Variants in NBEA observed in about 807,000 individuals in gnomAD.
The protein encoded by NBEA is neurobeachin, also known as lysosomal-trafficking regulator 2.
In NBEA, 44 loss-of-function variants were observed where a neutral mutation model predicts 343.4. The ratio of observed to expected loss-of-function variants is 0.13; its 90% CI spans 0.10 to 0.16. The LOEUF is 0.16. Among genes scored for constraint, NBEA ranks in the 10% least tolerant of loss-of-function variants. The pLI, the probability that NBEA is intolerant of heterozygous loss-of-function variation, is 1.00. For synonymous variants in NBEA, 1,175 were observed against 1,238.7 expected (o/e 0.95, Z 1.08); for missense variants, 2,555 against 3,631.3 (o/e 0.70, Z 7.62).
At chr13:34,954,052 T>C (rs1365456865) in intron 1 of NBEA, among the ~76,000 whole-genome samples, 2 of 152,318 alleles carry the variant, frequency 1.3e-5, no homozygotes, top group East Asian at 3.9e-4. Flanking sequence ...TCCATGAAAC[T>C]GGCTCCTGGT....
chr13:35,333,399 A>T (rs964818756), intron 36 of NBEA, among the ~76,000 whole-genome samples: 2 of 152,044 alleles, frequency 1.3e-5, no homozygotes, highest in Non-Finnish European at 2.9e-5. Context: ...GATTTTTAAA[A>T]TTTTTTATTT....
chr13:35,565,951 C>A (rs2080118184), intron 44 of NBEA, among the ~76,000 whole-genome samples: 1 of 152,146 alleles, frequency 6.6e-6, no homozygotes, highest in Admixed American at 6.5e-5. Context: ...AGTTTCTCAT[C>A]CTAGCTTCAG....
At chr13:35,070,940 C>A in intron 10 of NBEA, 88 bp downstream of exon 10, 1 of 1,387,288 alleles carries the variant, frequency 7.2e-7, no homozygotes, top group Non-Finnish European at 9.6e-7. Context: ...AAATGTATTA[C>A]AGTATTTGGG....
chr13:35,291,987 T>C lies in NBEA; in HGVS notation c.5838+1537T>C, dbSNP rs576768952. 1.1e-4 allele frequency among the ~76,000 whole-genome samples: 16 copies of C among 152,152 alleles called. 1 individual carries two copies. The South Asian group carries it at 3.3e-3, about 31-fold the overall frequency. ...TCAGTGTTTTTAAATATTTTAAGTG[T>C]TTAATTGATTAAATGCACCTCATTT... On this transcript the variant is annotated intron_variant, in intron 35 of 58. Coordinates refer to ENST00000379939, the MANE Select transcript of NBEA (RefSeq NM_001385012.1).
At position 34,988,885 on chromosome 13, in the gene NBEA, A is replaced by T. The variant is rs1056616650; in HGVS notation, c.294+45771A>T. On this transcript the variant is annotated intron_variant, in intron 1 of 58. Coordinates refer to ENST00000379939, the MANE Select transcript of NBEA (RefSeq NM_001385012.1). ...AGCTGAGTCTTTATAAAAATTAAAAATCCATTGTGACATTCAGTCTTTTAA... is the reference window on the plus strand; with the variant it reads ...AGCTGAGTCTTTATAAAAATTAAAATTCCATTGTGACATTCAGTCTTTTAA... 5.3e-5 allele frequency among the ~76,000 whole-genome samples: 8 copies of T among 150,870 alleles called. 1 individual carries two copies. Among genetic ancestry groups the T allele is most frequent in the Non-Finnish European group, 7.4e-5 (5 of 67,428 alleles).
chr13:35,006,248 C>T (rs2061313718), intron 1 of NBEA, among the ~76,000 whole-genome samples: 1 of 151,840 alleles, frequency 6.6e-6, no homozygotes, highest in African/African-American at 2.4e-5. Flanking sequence ...TTTTATTCAG[C>T]ATCCCCCTTT....
intron 37 of NBEA, 37 bp from the exon 38 acceptor site, chr13:35,352,120 A>G: frequency 7.7e-7 from 1 of 1,301,440 alleles, no homozygotes; most frequent in Non-Finnish European, 1.0e-6. Context: ...ATGCAGTAAA[A>G]AGTTTATTAT....
intron 45 of NBEA, among the ~76,000 whole-genome samples, chr13:35,568,387 A>G (rs1010611130): frequency 1.6e-4 from 24 of 152,192 alleles, no homozygotes; most frequent in Non-Finnish European, 8.8e-5. Context: ...ATGAATTCTA[A>G]TACGCTTGCA....
At chr13:35,347,146 T>C (rs61949064) in intron 36 of NBEA, among the ~76,000 whole-genome samples, 12,926 of 152,178 alleles carry the variant, frequency 0.085, 665 homozygotes, top group African/African-American at 0.16. Flanking sequence ...ATTTTGTTTC[T>C]TCTGCTTATA....
chr13:35,170,909 A>G (rs1477746163), intron 25 of NBEA, among the ~76,000 whole-genome samples: 1 of 151,980 alleles, frequency 6.6e-6, no homozygotes, highest in Admixed American at 6.6e-5. Context: ...TAGAAAAGAA[A>G]TATCAATTTA....
chr13:35,169,163 C>G (rs1338086141), intron 25 of NBEA, among the ~76,000 whole-genome samples, 168 bp downstream of exon 25: 1 of 151,424 alleles, frequency 6.6e-6, no homozygotes, highest in African/African-American at 2.4e-5. Flanking sequence ...TTTCCCAATG[C>G]ATTGATGTAT....
At chr13:35,265,229 G>T (rs918972950) in intron 34 of NBEA, among the ~76,000 whole-genome samples, 2 of 151,616 alleles carry the variant, frequency 1.3e-5, no homozygotes, top group Non-Finnish European at 3.0e-5. Context: ...AAGAAATGGC[G>T]GAAGACACAA....
At chr13:35,478,126 A>G (rs2075961016) in intron 41 of NBEA, among the ~76,000 whole-genome samples, 1 of 152,206 alleles carries the variant, frequency 6.6e-6, no homozygotes, top group Non-Finnish European at 1.5e-5. Flanking sequence ...CAGGGCTCCC[A>G]CTTGCTACTT....
intron 56 of NBEA, 94 bp downstream of exon 56, chr13:35,665,280 C>T: frequency 9.7e-7 from 1 of 1,027,712 alleles, no homozygotes; most frequent in Non-Finnish European, 1.5e-6. Context: ...AGGAAGCTTC[C>T]CATAGACAAA....
At chr13:35,155,685 A>G (rs2069122967) in intron 18 of NBEA, 89 bp from the exon 19 acceptor site, 6 of 999,994 alleles carry the variant, frequency 6.0e-6, no homozygotes, top group Non-Finnish European at 9.2e-6. Context: ...CTGCATTGAC[A>G]TTTCTTTTGC....
At chr13:35,213,104 C>A (rs2073877214) in intron 33 of NBEA, among the ~76,000 whole-genome samples, 2 of 151,908 alleles carry the variant, frequency 1.3e-5, no homozygotes, top group Admixed American at 6.6e-5. Flanking sequence ...TGCCTTCTGG[C>A]TGCTTTATTC....
chr13:35,050,884 T>A (rs948106143), intron 6 of NBEA, among the ~76,000 whole-genome samples: 1 of 151,984 alleles, frequency 6.6e-6, no homozygotes, highest in Admixed American at 6.6e-5. Flanking sequence ...AGGAGAGGAA[T>A]GTTGCTGTAC....
chr13:35,587,555 T>A (rs2081346074), intron 46 of NBEA, among the ~76,000 whole-genome samples: 1 of 152,160 alleles, frequency 6.6e-6, no homozygotes, highest in African/African-American at 2.4e-5. Flanking sequence ...TGTTATCAAC[T>A]GGGTTGTTTG....
chr13:35,353,092 G>A (rs534450583), intron 38 of NBEA, among the ~76,000 whole-genome samples: 4 of 152,238 alleles, frequency 2.6e-5, no homozygotes, highest in Admixed American at 1.3e-4. Context: ...GTTTGACAAA[G>A]TTGGCTGGTG....
Sources: allele counts gnomAD v4.1 joint callset (sites outside exome capture counted in the v4.1 genomes callset), GRCh38; gene constraint gnomAD v4.1.1; transcripts MANE v1.5; gene names NCBI Gene and HGNC (gene_info 2026-07-23, HGNC 2026-07-21).